Variants in MBD5 observed in about 807,000 individuals in gnomAD.
MBD5 encodes the protein methyl-CpG-binding domain protein 5.
MBD5 carries 13 observed loss-of-function variants against 117.3 expected under a neutral mutation model. The ratio of observed to expected loss-of-function variants is 0.11; its 90% CI spans 0.07 to 0.18. The LOEUF is 0.18. Ranked by LOEUF, MBD5 falls within the 10% of genes least tolerant of loss-of-function variation. The pLI is 1.00. For synonymous variants in MBD5, 727 were observed against 766.4 expected (o/e 0.95, Z 0.85); for missense variants, 1,879 against 2,093.8 (o/e 0.90, Z 2.00).
At chr2:148,472,877 A>G (rs1680841215) in intron 8 of MBD5, among the ~76,000 whole-genome samples, 1 of 152,182 alleles carries the variant, frequency 6.6e-6, no homozygotes, top group East Asian at 1.9e-4. Flanking sequence ...TTTCTAAAGT[A>G]TAAAGTATTA....
intron 1 of MBD5, among the ~76,000 whole-genome samples, chr2:148,046,927 A>G (rs1694551675): frequency 6.6e-6 from 1 of 152,076 alleles, no homozygotes; most frequent in African/African-American, 2.4e-5. Context: ...TCTTATGTCA[A>G]CTTAGACCTC....
chr2:148,437,070 C>T (rs1293723372), intron 4 of MBD5, among the ~76,000 whole-genome samples: 1 of 152,114 alleles, frequency 6.6e-6, no homozygotes, highest in Non-Finnish European at 1.5e-5. Context: ...GCAACCTCCA[C>T]CTCCCTGGCT....
chr2:148,100,008 A>G (rs1468272597), intron 1 of MBD5, among the ~76,000 whole-genome samples: 2 of 152,212 alleles, frequency 1.3e-5, no homozygotes, highest in Non-Finnish European at 2.9e-5. Flanking sequence ...CAGATAATTA[A>G]ACAACTGGAA....
At chr2:148,354,524 AT>A (rs1553504560) in intron 4 of MBD5, among the ~76,000 whole-genome samples, 1 of 152,208 alleles carries the variant, frequency 6.6e-6, no homozygotes, top group Non-Finnish European at 1.5e-5. Flanking sequence ...ACTGATGGAC[AT>A]TTGGGTTGGT....
chr2:148,371,633 G>A (rs1405106129), intron 4 of MBD5, among the ~76,000 whole-genome samples: 1 of 152,138 alleles, frequency 6.6e-6, no homozygotes, highest in African/African-American at 2.4e-5. Context: ...TAATAACTTA[G>A]AGTGGAAAAG....
intron 1 of MBD5, among the ~76,000 whole-genome samples, chr2:148,151,424 C>G (rs1341436916): frequency 6.6e-6 from 1 of 152,272 alleles, no homozygotes; most frequent in African/African-American, 2.4e-5. Flanking sequence ...GTGTCTCTAC[C>G]CAGCTTTGGT....
intron 3 of MBD5, among the ~76,000 whole-genome samples, chr2:148,288,076 T>A (rs1574242662): frequency 6.6e-6 from 1 of 151,976 alleles, no homozygotes; most frequent in South Asian, 2.1e-4. Context: ...TGTTGGTGTG[T>A]GTGTGTGTGT....
chr2:148,385,279 C>T (rs183511030), intron 4 of MBD5, among the ~76,000 whole-genome samples: 1 of 152,020 alleles, frequency 6.6e-6, no homozygotes, highest in South Asian at 2.1e-4. Context: ...AAAAAACAAC[C>T]CCATCAAAAA....
At chr2:148,093,339 G>C (rs554879497) in intron 1 of MBD5, among the ~76,000 whole-genome samples, 1 of 152,190 alleles carries the variant, frequency 6.6e-6, no homozygotes, top group Non-Finnish European at 1.5e-5. Flanking sequence ...AACTCCTAAG[G>C]TTGTCTTCAG....
intron 3 of MBD5, among the ~76,000 whole-genome samples, chr2:148,273,073 TTC>T (rs1701022475): frequency 6.6e-6 from 1 of 152,176 alleles, no homozygotes; most frequent in African/African-American, 2.4e-5. Context: ...TAGAAAACAT[TTC>T]TCTTTGTTTC....
chr2:148,095,170 TCAG>T (rs1696036844), intron 1 of MBD5, among the ~76,000 whole-genome samples: 1 of 152,234 alleles, frequency 6.6e-6, no homozygotes, highest in African/African-American at 2.4e-5. Flanking sequence ...AAATCCAGAT[TCAG>T]CAGCCCTATT....
intron 1 of MBD5, among the ~76,000 whole-genome samples, chr2:148,176,836 A>G (rs549276311): frequency 6.6e-6 from 1 of 151,458 alleles, no homozygotes; most frequent in Non-Finnish European, 1.5e-5. Context: ...TTAAGCTAGG[A>G]GTGCTTCTCC....
Position 148,071,264 on chromosome 2 carries a change from A to C in MBD5, c.-925+49580A>C, listed in dbSNP as rs190549415. 2.8e-5 allele frequency: 4 copies of C among 145,170 alleles called. No homozygotes were observed. In the East Asian group the frequency reaches 8.1e-4, roughly 29 times the overall value. The allele number at this position is 145,170 out of a possible 1,614,324, so 9.0% of individuals were successfully genotyped here. A position where few individuals can be genotyped will look rare whatever the true frequency, so the allele number is the denominator to read the frequency against. ...CCTTTTTCTTTCTCTCTGTGTTTAG[A>C]TATATCTGTATATGTGTGTGTGTGT... On this transcript the variant is annotated intron_variant, in intron 1 of 13. Transcript: ENST00000642680.
At chr2:148,322,152 GT>G (rs1702298458) in intron 3 of MBD5, among the ~76,000 whole-genome samples, 1 of 152,204 alleles carries the variant, frequency 6.6e-6, no homozygotes, top group Non-Finnish European at 1.5e-5. Context: ...TTTCTACAGT[GT>G]AAAGTGATAT....
chr2:148,226,312 T>C (rs1699819362), intron 2 of MBD5, among the ~76,000 whole-genome samples: 1 of 152,268 alleles, frequency 6.6e-6, no homozygotes, highest in Admixed American at 6.5e-5. Flanking sequence ...CCCTCCTGTG[T>C]CCATGTGTTC....
intron 2 of MBD5, among the ~76,000 whole-genome samples, chr2:148,213,030 T>C (rs1699464555): frequency 6.6e-6 from 1 of 152,190 alleles, no homozygotes. Context: ...TCAGAGAACT[T>C]ATCAATCTTT....
chr2:148,095,197 A>G (rs1291073347), intron 1 of MBD5, among the ~76,000 whole-genome samples: 1 of 152,174 alleles, frequency 6.6e-6, no homozygotes, highest in Non-Finnish European at 1.5e-5. Context: ...CAGGTGGAAA[A>G]ATGTTACTTG....
At chr2:148,412,758 G>T (rs1274247977) in intron 4 of MBD5, among the ~76,000 whole-genome samples, 1 of 151,712 alleles carries the variant, frequency 6.6e-6, no homozygotes, top group Non-Finnish European at 1.5e-5. Flanking sequence ...GCCTTAGCTC[G>T]GATGTTGGTT....
At chr2:148,441,616 T>C (rs1272536616) in intron 4 of MBD5, among the ~76,000 whole-genome samples, 1 of 152,226 alleles carries the variant, frequency 6.6e-6, no homozygotes. Flanking sequence ...TTTGGGTATA[T>C]ACCCAGTAAT....
Sources: allele counts gnomAD v4.1 joint callset (sites outside exome capture counted in the v4.1 genomes callset), GRCh38; gene constraint gnomAD v4.1.1; transcripts MANE v1.5; gene names NCBI Gene and HGNC (gene_info 2026-07-23, HGNC 2026-07-21).